The following SLC13A1 variants were observed in gnomAD, a reference collection of about 807,000 sequenced individuals.
The protein encoded by SLC13A1 is solute carrier family 13 member 1.
SLC13A1 carries 65 observed loss-of-function variants against 70.0 expected under a neutral mutation model. The observed-to-expected ratio is 0.93, with a 90% CI of 0.76 to 1.14. The LOEUF (loss-of-function observed/expected upper bound fraction) is 1.14. Among genes scored for constraint, SLC13A1 ranks in the 50% most tolerant of loss-of-function variants. SLC13A1 has a pLI of 0.00. For missense variants in SLC13A1, 726 were observed against 717.8 expected, an observed-to-expected ratio of 1.01 and a Z score of -0.13; for synonymous variants, 275 against 250.5, an observed-to-expected ratio of 1.10 and a Z score of -0.92.
chr7:123,142,834 G>A (rs1197252529), intron 7 of SLC13A1, among the ~76,000 whole-genome samples: 3 of 151,848 alleles, frequency 2.0e-5, no homozygotes, highest in Non-Finnish European at 2.9e-5. Context: ...GGCCAGGCTG[G>A]TTTTGAGCTC....
chr7:123,128,818 C>G, intron 10 of SLC13A1, 27 bp downstream of exon 10: 2 of 1,477,272 alleles, frequency 1.4e-6, no homozygotes, highest in Admixed American at 1.7e-5. Context: ...ACAGGAAGGG[C>G]TGACAAACAT....
chr7:123,168,407 T>C lies in SLC13A1; in HGVS notation c.627A>G (p.Thr209=). ...TKPVPGYNND[T]GKISSKVELE... is the part of the protein sequence containing the mutation. ...ACTCCACCTTGCTTGAAATTTTCCC[T>C]GTATCATTATTGTATCTGAAAAATA... The change falls in exon 6 of 15, where the codon ACA becomes ACG. Residue 209 remains threonine, a synonymous_variant. Transcript: ENST00000194130. 6.3e-7 allele frequency: 1 copy of C among 1,592,672 alleles called. No individual in the cohort carries two copies. Among genetic ancestry groups the C allele is most frequent in the South Asian group, 1.1e-5 (1 of 88,300 alleles).
intron 7 of SLC13A1, among the ~76,000 whole-genome samples, chr7:123,138,862 G>A (rs113151521): frequency 0.012 from 1,898 of 152,098 alleles, 36 homozygotes; most frequent in African/African-American, 0.042. Flanking sequence ...TCATTCCGTG[G>A]ATTTATCTAT....
At chr7:123,131,898 A>G (rs992313581) in intron 8 of SLC13A1, among the ~76,000 whole-genome samples, 4 of 152,034 alleles carry the variant, frequency 2.6e-5, no homozygotes, top group Admixed American at 6.6e-5. Flanking sequence ...TATCTTCTTA[A>G]TTTCTCCTTT....
chr7:123,131,740 C>T (rs997366768), intron 8 of SLC13A1, among the ~76,000 whole-genome samples: 1 of 143,672 alleles, frequency 7.0e-6, no homozygotes, highest in Non-Finnish European at 1.5e-5. Context: ...TTAGCTGGAG[C>T]ATGAATCTGT....
intron 1 of SLC13A1, among the ~76,000 whole-genome samples, chr7:123,199,307 T>G (rs1796279172): frequency 1.3e-5 from 2 of 152,088 alleles, no homozygotes; most frequent in African/African-American, 4.8e-5. Context: ...AATGCTTTAT[T>G]AGATTTTCTG....
At chr7:123,151,386 G>GTA (rs1554548261) in intron 6 of SLC13A1, among the ~76,000 whole-genome samples, 2,080 of 145,846 alleles carry the variant, frequency 0.014, 35 homozygotes, top group African/African-American at 0.035. Context: ...GTGTGTGTGT[G>GTA]TATATATATA....
chr7:123,165,002 G>T (rs1433625226), intron 6 of SLC13A1, among the ~76,000 whole-genome samples: 1 of 151,534 alleles, frequency 6.6e-6, no homozygotes, highest in Admixed American at 6.6e-5. Flanking sequence ...GAAAGCATAA[G>T]ATCAAAAGAT....
At chr7:123,149,680 G>A in intron 6 of SLC13A1, 2 of 450,672 alleles carry the variant, frequency 4.4e-6, no homozygotes, top group Admixed American at 2.4e-5. Flanking sequence ...TTACTCAGGG[G>A]TAGAAAGAGT....
At position 123,115,183 on chromosome 7, in the gene SLC13A1, T is replaced by A. The variant is rs940106221; in HGVS notation, c.*335A>T. 6.1e-6 allele frequency: 1 copy of A among 164,228 alleles called. No homozygotes were observed. Among genetic ancestry groups the A allele is most frequent in the African/African-American group, 2.4e-5 (1 of 42,026 alleles). 10.2% of individuals were successfully genotyped at this position (164,228 alleles called of 1,614,324 possible). ...AATAAATTGCATTTAAAATGTTACA[T>A]TGAACTCCAACTGTAAGATGAAACA... On this transcript the variant is annotated 3_prime_UTR_variant, in exon 15 of 15. Coordinates refer to ENST00000194130, the MANE Select transcript of SLC13A1 (RefSeq NM_022444.4).
Position 123,179,573 on chromosome 7 carries a change from C to T in SLC13A1, c.228+1400G>A, listed in dbSNP as rs539813196. Among the ~76,000 whole-genome samples the T allele has an allele frequency of 6.6e-5, 10 of 152,216 alleles. No homozygotes were observed. The South Asian group carries it at 1.9e-3, about 28-fold the overall frequency. On this transcript the variant is annotated intron_variant, in intron 2 of 14. Transcript: ENST00000194130. ...TACAATTTTGCTGCCTTTAGTCAGG[C>T]CCTTACACACCACAAAGAGGCAGAC...
chr7:123,118,670 A>G (rs1266175310), intron 13 of SLC13A1, among the ~76,000 whole-genome samples: 2 of 152,108 alleles, frequency 1.3e-5, no homozygotes, highest in Non-Finnish European at 2.9e-5. Context: ...TTCATTTGCA[A>G]ATCACTTATA....
At chr7:123,172,090 G>T (rs1364583604) in intron 2 of SLC13A1, among the ~76,000 whole-genome samples, 186 bp from the exon 3 acceptor site, 2 of 152,078 alleles carry the variant, frequency 1.3e-5, no homozygotes, top group Non-Finnish European at 2.9e-5. Flanking sequence ...CTCAAAAATG[G>T]TGTTAAGGAA....
chr7:123,142,917 G>A (rs1794209321), intron 7 of SLC13A1, among the ~76,000 whole-genome samples: 2 of 151,884 alleles, frequency 1.3e-5, no homozygotes, highest in Non-Finnish European at 2.9e-5. Context: ...GCACCCGGCT[G>A]ACGAAGAGCT....
chr7:123,133,914 T>C (rs1448282634), intron 8 of SLC13A1, among the ~76,000 whole-genome samples: 1 of 152,108 alleles, frequency 6.6e-6, no homozygotes, highest in Non-Finnish European at 1.5e-5. Flanking sequence ...CTCAGCTCAC[T>C]GCCACCTCCA....
chr7:123,198,419 C>T (rs895501411), intron 1 of SLC13A1, among the ~76,000 whole-genome samples: 16 of 136,596 alleles, frequency 1.2e-4, no homozygotes, highest in East Asian at 8.7e-4. Flanking sequence ...AAATTCTGTA[C>T]GAATTTGAGG....
chr7:123,141,820 T>C (rs1445116751), intron 7 of SLC13A1, among the ~76,000 whole-genome samples: 3 of 152,158 alleles, frequency 2.0e-5, no homozygotes, highest in Non-Finnish European at 4.4e-5. Context: ...CTTATGTCTT[T>C]GTTGGGTAAG....
intron 1 of SLC13A1, among the ~76,000 whole-genome samples, chr7:123,182,446 A>G (rs1795669172): frequency 6.6e-6 from 1 of 152,048 alleles, no homozygotes; most frequent in Admixed American, 6.6e-5. Flanking sequence ...TTCCCCAGTC[A>G]TTATATCTCT....
intron 2 of SLC13A1, among the ~76,000 whole-genome samples, chr7:123,176,161 A>C (rs1795440283): frequency 6.6e-6 from 1 of 152,218 alleles, no homozygotes; most frequent in Admixed American, 6.5e-5. Flanking sequence ...TACAGCCTGC[A>C]GTCCAAATAA....
Sources: allele counts gnomAD v4.1 joint callset (sites outside exome capture counted in the v4.1 genomes callset), GRCh38; gene constraint gnomAD v4.1.1; transcripts MANE v1.5; gene names NCBI Gene and HGNC (gene_info 2026-07-23, HGNC 2026-07-21).